Variants in MAGI2 observed in about 807,000 individuals in gnomAD.
The protein encoded by MAGI2 is membrane associated guanylate kinase, WW and PDZ domain containing 2.
Under a neutral mutation model 133.3 loss-of-function variants are expected in MAGI2, and 35 were observed. The observed-to-expected ratio is 0.26, with a 90% confidence interval of 0.20 to 0.35. The LOEUF is 0.35. Among genes scored for constraint, MAGI2 ranks in the 10% least tolerant of loss-of-function variants. The pLI is 1.00. For missense variants in MAGI2, 1,636 were observed against 1,863.4 expected (o/e 0.88, Z 2.25); for synonymous variants, 729 against 710.6 (o/e 1.03, Z -0.41).
At chr7:79,279,358 T>C (rs1289920738) in intron 1 of MAGI2, among the ~76,000 whole-genome samples, 1 of 152,100 alleles carries the variant, frequency 6.6e-6, no homozygotes, top group Non-Finnish European at 1.5e-5. Context: ...TTTTTATCCA[T>C]CACCCAAAAT....
chr7:78,556,113 A>G (rs1012597975), intron 3 of MAGI2, among the ~76,000 whole-genome samples: 3 of 151,962 alleles, frequency 2.0e-5, no homozygotes, highest in Non-Finnish European at 4.4e-5. Context: ...TCCAAAAAGT[A>G]TATATATATA....
intron 2 of MAGI2, among the ~76,000 whole-genome samples, chr7:78,815,095 A>G (rs1265799072): frequency 6.6e-6 from 1 of 152,162 alleles, no homozygotes; most frequent in East Asian, 1.9e-4. Context: ...CAATGATCAG[A>G]TATTCAGTCT....
At chr7:78,863,126 T>C (rs1465113131) in intron 2 of MAGI2, among the ~76,000 whole-genome samples, 1 of 152,204 alleles carries the variant, frequency 6.6e-6, no homozygotes, top group Non-Finnish European at 1.5e-5. Context: ...TAAAACATGA[T>C]AGCAATGCTT....
chr7:79,172,566 G>A (rs919506176), intron 1 of MAGI2, among the ~76,000 whole-genome samples: 1 of 152,024 alleles, frequency 6.6e-6, no homozygotes, highest in Admixed American at 6.6e-5. Context: ...AATGCCATAT[G>A]AGTATCAGAA....
chr7:78,163,679 G>T (rs188270147), intron 15 of MAGI2, among the ~76,000 whole-genome samples: 209 of 152,032 alleles, frequency 1.4e-3, no homozygotes, highest in African/African-American at 4.7e-3. Context: ...GGCCGAGGCG[G>T]GCGGATCACG....
intron 2 of MAGI2, among the ~76,000 whole-genome samples, chr7:78,775,983 C>G (rs1825957421): frequency 6.6e-6 from 1 of 152,222 alleles, no homozygotes; most frequent in Admixed American, 6.5e-5. Flanking sequence ...GAACTGGACT[C>G]TGTCTCTGGG....
chr7:79,172,867 T>C (rs192458502), intron 1 of MAGI2: 3 of 152,066 alleles, frequency 2.0e-5, no homozygotes, highest in Non-Finnish European at 4.4e-5. Context: ...AGAGTAAAAT[T>C]GGGAATTAAG....
chr7:79,053,823 T>A (rs1026103144), intron 1 of MAGI2, among the ~76,000 whole-genome samples: 1 of 152,224 alleles, frequency 6.6e-6, no homozygotes, highest in Non-Finnish European at 1.5e-5. Context: ...AAAATAATGA[T>A]ATGAAAGCAC....
intron 2 of MAGI2, among the ~76,000 whole-genome samples, chr7:78,899,433 C>T (rs1414330633): frequency 1.3e-5 from 2 of 152,170 alleles, no homozygotes; most frequent in African/African-American, 4.8e-5. Flanking sequence ...GGAAAATAGG[C>T]ACTACAAGCA....
In MAGI2 at chr7:79,421,021, CA is replaced by C. The variant is rs373948411; in HGVS notation, c.301+31998del. On this transcript the variant is annotated intron_variant, in intron 1 of 21. Coordinates refer to ENST00000354212, the MANE Select transcript of MAGI2 (RefSeq NM_012301.4). The stretch of plus-strand genomic sequence containing the variant: ...TTAATAAAGTCAAATATAATATGCA[CA>C]AAATCCAATAAAATTAAAACAAAGA... 2.3e-3 allele frequency among the ~76,000 whole-genome samples: 351 copies of C among 152,014 alleles called. 1 individual carries two copies. Among genetic ancestry groups the C allele is most frequent in the African/African-American group, 7.9e-3 (330 of 41,510 alleles).
intron 6 of MAGI2, among the ~76,000 whole-genome samples, chr7:78,388,396 A>G (rs1485103760): frequency 6.6e-6 from 1 of 152,148 alleles, no homozygotes; most frequent in Non-Finnish European, 1.5e-5. Context: ...CCAAACTTAG[A>G]GTGTGCGGCA....
At chr7:78,665,116 T>C (rs1435554563) in intron 2 of MAGI2, among the ~76,000 whole-genome samples, 4 of 152,188 alleles carry the variant, frequency 2.6e-5, no homozygotes, top group South Asian at 4.1e-4. Context: ...AAAAACAGTA[T>C]TGCAATGAGT....
At chr7:79,191,426 T>TTTTTTTTTTTTTTTTTTTTTTTTTG (rs1827660847) in intron 1 of MAGI2, among the ~76,000 whole-genome samples, 1 of 122,870 alleles carries the variant, frequency 8.1e-6, no homozygotes, top group African/African-American at 3.2e-5. Flanking sequence ...TTTTTTTTTT[T>TTTTTTTTTTTTTTTTTTTTTTTTTG]TTTTTTTTTA....
chr7:79,246,476 G>A (rs183861469), intron 1 of MAGI2, among the ~76,000 whole-genome samples: 43 of 152,288 alleles, frequency 2.8e-4, no homozygotes, highest in African/African-American at 1.0e-3. Context: ...AAAGAATTAA[G>A]CAGAAATTCT....
rs1313358886 is a variant in MAGI2, at chr7:78,579,815, A to C, written c.538+47305T>G. On this transcript the variant is annotated intron_variant, in intron 3 of 21. Transcript: ENST00000354212. ...TCTTGTTAATCTATTTTTTTCTTAC[A>C]GGGATCCATTCTAACTAAGAACCGA... Among the ~76,000 whole-genome samples, 3 of 152,188 alleles carry C rather than the reference A, an allele frequency of 2.0e-5. No individual in the cohort carries two copies. The East Asian group carries it at 5.8e-4, about 29-fold the overall frequency.
chr7:78,521,328 A>T, intron 4 of MAGI2, 102 bp downstream of exon 4: 1 of 708,088 alleles, frequency 1.4e-6, no homozygotes. Context: ...TATTTATCTT[A>T]CTATGTATCT....
chr7:78,178,939 C>T (rs773146950), intron 13 of MAGI2, among the ~76,000 whole-genome samples: 22 of 152,148 alleles, frequency 1.4e-4, no homozygotes, highest in Non-Finnish European at 2.4e-4. Flanking sequence ...GTCATTTTTT[C>T]AGCCTTAGAA....
rs1317573002 is a variant in MAGI2 at position 78,985,868 on chromosome 7, ATTTGTAGAACAC to A, written c.418+21210_418+21221del. The stretch of plus-strand genomic sequence containing the variant: ...TGTATTTGCCTTTAATTTAATTCTG[ATTTGTAGAACAC>A]TTAATCATTATAGATAGGAAGGTCA... On this transcript the variant is annotated intron_variant, in intron 2 of 21. Coordinates refer to ENST00000354212, the MANE Select transcript of MAGI2 (RefSeq NM_012301.4). Among the ~76,000 whole-genome samples the A allele has an allele frequency of 2.6e-5, 4 of 152,182 alleles. No homozygotes were observed. In the East Asian group the frequency reaches 7.8e-4, roughly 30 times the overall value.
At chr7:78,788,996 C>T (rs1478632300) in intron 2 of MAGI2, among the ~76,000 whole-genome samples, 4 of 152,158 alleles carry the variant, frequency 2.6e-5, no homozygotes, top group Non-Finnish European at 5.9e-5. Context: ...CTCACTTTCT[C>T]CTGGCATCCT....
Sources: allele counts gnomAD v4.1 joint callset (sites outside exome capture counted in the v4.1 genomes callset), GRCh38; gene constraint gnomAD v4.1.1; transcripts MANE v1.5; gene names NCBI Gene and HGNC (gene_info 2026-07-23, HGNC 2026-07-21).